Variants in STX8 observed in about 807,000 individuals in gnomAD.
The protein encoded by STX8 is syntaxin 8, also known as syntaxin-8.
Under a neutral mutation model 37.5 loss-of-function variants are expected in STX8, and 23 were observed. The ratio of observed to expected loss-of-function variants is 0.61; its 90% CI spans 0.44 to 0.87. The LOEUF (loss-of-function observed/expected upper bound fraction) is 0.87, where lower values mean the gene tolerates loss of function less well. Ranked by LOEUF, STX8 falls within the 40% of genes least tolerant of loss-of-function variation. The probability of loss-of-function intolerance (pLI) is 0.00; values close to 1 mark genes in which losing one functional copy is unlikely to be tolerated. For synonymous variants in STX8, 115 were observed against 99.1 expected (o/e 1.16, Z -0.95); for missense variants, 313 against 284.7 (o/e 1.10, Z -0.71).
At chr17:9,419,074 C>T (rs564555667) in intron 6 of STX8, among the ~76,000 whole-genome samples, 3 of 151,524 alleles carry the variant, frequency 2.0e-5, no homozygotes, top group Admixed American at 6.6e-5. Context: ...CAGACCTGTG[C>T]CATCATCCCT....
At position 9,299,448 on chromosome 17, in the gene STX8, T is replaced by C. The variant is rs568318565; in HGVS notation, c.644-48803A>G. 8.1e-5 allele frequency among the ~76,000 whole-genome samples: 12 copies of C among 148,660 alleles called. No individual in the cohort carries two copies. In the South Asian group the frequency reaches 2.7e-3, roughly 33 times the overall value. ...CGTCTTCATTCTTACGCTTTTTTTT[T>C]TTTTTTTTTTTTGAGACAAGAGTCT... On this transcript the variant is annotated intron_variant, in intron 7 of 7. Coordinates refer to ENST00000306357, the MANE Select transcript of STX8 (RefSeq NM_004853.3).
chr17:9,550,408 C>T (rs1371331581), intron 3 of STX8, among the ~76,000 whole-genome samples: 1 of 151,610 alleles, frequency 6.6e-6, no homozygotes, highest in Non-Finnish European at 1.5e-5. Context: ...TAATTATAGC[C>T]AATTCATGGA....
At chr17:9,472,670 G>A (rs1447046410) in intron 6 of STX8, among the ~76,000 whole-genome samples, 2 of 152,172 alleles carry the variant, frequency 1.3e-5, no homozygotes, top group Non-Finnish European at 2.9e-5. Flanking sequence ...ACAGCTGGAT[G>A]GGCCTGTGGT....
intron 7 of STX8, among the ~76,000 whole-genome samples, chr17:9,300,292 T>C (rs1340258379): frequency 1.5e-5 from 2 of 137,052 alleles, no homozygotes; most frequent in Non-Finnish European, 3.0e-5. Context: ...GGTGGTGCCA[T>C]TGCACTCCAG....
rs143577342 is a variant in STX8, at chr17:9,463,287, C to T, written c.541+28542G>A. Among the ~76,000 whole-genome samples the T allele has an allele frequency of 4.8e-3, 731 of 152,208 alleles. 5 individuals are homozygous for T. Among genetic ancestry groups the T allele is most frequent in the Non-Finnish European group, 7.9e-3 (535 of 67,994 alleles). On this transcript the variant is annotated intron_variant, in intron 6 of 7. Transcript: ENST00000306357. ...TATGAGTATTAAATACAATAATTTACGTAAATACAATACTTTATAGTACTT... is the reference window on the plus strand; with the variant it reads ...TATGAGTATTAAATACAATAATTTATGTAAATACAATACTTTATAGTACTT...
intron 7 of STX8, among the ~76,000 whole-genome samples, chr17:9,286,676 C>G (rs1003628679): frequency 1.3e-5 from 1 of 76,064 alleles, no homozygotes; most frequent in Non-Finnish European, 2.8e-5. Context: ...CTTCAGGGAA[C>G]AAAGGGAAGC....
chr17:9,346,584 C>T (rs990024127), intron 7 of STX8, among the ~76,000 whole-genome samples: 1 of 152,214 alleles, frequency 6.6e-6, no homozygotes, highest in African/African-American at 2.4e-5. Flanking sequence ...CAATGGGGGG[C>T]CCCCTCTAGC....
At position 9,319,844 on chromosome 17, in the gene STX8, G is replaced by A. The variant is rs554600920; in HGVS notation, c.643+58708C>T. Among the ~76,000 whole-genome samples, 247 of 151,750 alleles carry A rather than the reference G, an allele frequency of 1.6e-3. 1 individual carries two copies. Among genetic ancestry groups the A allele is most frequent in the African/African-American group, 4.9e-3 (201 of 41,346 alleles). ...CACACACTTGTAATCCGAGCTACTC[G>A]GGAGGCTGAGACAGGAGAATCACTT... On this transcript the variant is annotated intron_variant, in intron 7 of 7. Coordinates refer to ENST00000306357, the MANE Select transcript of STX8 (RefSeq NM_004853.3).
intron 6 of STX8, among the ~76,000 whole-genome samples, chr17:9,462,062 G>A (rs566799694): frequency 2.6e-5 from 4 of 152,258 alleles, no homozygotes; most frequent in South Asian, 2.1e-4. Flanking sequence ...TCAGTTGCCC[G>A]CCGCTCACCT....
chr17:9,320,348 A>T (rs1290030123), intron 7 of STX8, among the ~76,000 whole-genome samples: 1 of 151,124 alleles, frequency 6.6e-6, no homozygotes, highest in Non-Finnish European at 1.5e-5. Context: ...AAAAAAAAAG[A>T]AAACAAAAAA....
chr17:9,369,907 A>G (rs76650153), intron 7 of STX8, among the ~76,000 whole-genome samples: 5 of 149,356 alleles, frequency 3.3e-5, no homozygotes, highest in Admixed American at 1.3e-4. Context: ...AAAAAAAAAA[A>G]AAAGAAAGAA....
chr17:9,256,481 G>A (rs1463069715), intron 7 of STX8, among the ~76,000 whole-genome samples: 1 of 152,192 alleles, frequency 6.6e-6, no homozygotes, highest in Admixed American at 6.5e-5. Context: ...GAACAGTGAT[G>A]AGCCCATCCG....
At chr17:9,460,661 G>A (rs1368662935) in intron 6 of STX8, among the ~76,000 whole-genome samples, 4 of 123,342 alleles carry the variant, frequency 3.2e-5, no homozygotes, top group East Asian at 5.1e-4. Flanking sequence ...AGACAAGAGT[G>A]AGACTCTGTC....
intron 7 of STX8, among the ~76,000 whole-genome samples, chr17:9,252,805 C>T (rs1906638605): frequency 6.6e-6 from 1 of 152,162 alleles, no homozygotes; most frequent in Non-Finnish European, 1.5e-5. Flanking sequence ...TCCTAGTCTA[C>T]CTCAAGGCTC....
At chr17:9,310,696 T>C (rs968982554) in intron 7 of STX8, among the ~76,000 whole-genome samples, 1 of 152,062 alleles carries the variant, frequency 6.6e-6, no homozygotes, top group Non-Finnish European at 1.5e-5. Flanking sequence ...ATTTGATTTA[T>C]AGTAAGGCTA....
At chr17:9,465,675 T>C (rs369535838) in intron 6 of STX8, among the ~76,000 whole-genome samples, 13 of 152,278 alleles carry the variant, frequency 8.5e-5, no homozygotes, top group East Asian at 5.8e-4. Context: ...TATGAAAAAC[T>C]GAACAGCGCT....
chr17:9,510,093 A>G (rs1316702867), intron 4 of STX8, among the ~76,000 whole-genome samples: 2 of 152,250 alleles, frequency 1.3e-5, no homozygotes, highest in Non-Finnish European at 2.9e-5. Flanking sequence ...ACAACTGTAA[A>G]TATATACACA....
At position 9,266,610 on chromosome 17, in the gene STX8, T is replaced by C. The variant is rs1030037526; in HGVS notation, c.644-15965A>G. ...GTGTAGAAGAATTCAGGTAAATGCA[T>C]TTCCAGTAAGGTGGGATCACTAGTG... On this transcript the variant is annotated intron_variant, in intron 7 of 7. Coordinates refer to ENST00000306357, the MANE Select transcript of STX8 (RefSeq NM_004853.3). Among the ~76,000 whole-genome samples, 9 of 151,970 alleles carry C rather than the reference T, an allele frequency of 5.9e-5. No individual in the cohort carries two copies. The South Asian group carries it at 1.7e-3, about 28-fold the overall frequency.
intron 1 of STX8, among the ~76,000 whole-genome samples, chr17:9,572,955 T>C (rs1414631963): frequency 6.6e-6 from 1 of 152,186 alleles, no homozygotes; most frequent in African/African-American, 2.4e-5. Context: ...TGGGGGCCTG[T>C]CCCTTATCTT....
Sources: gnomAD v4.1 joint callset for allele counts (sites outside exome capture counted in the v4.1 genomes callset) on GRCh38, gnomAD v4.1.1 for gene constraint, MANE v1.5 for transcripts, NCBI Gene and HGNC (gene_info 2026-07-23, HGNC 2026-07-21) for gene names.